Variants in ADGRG4 observed in about 807,000 individuals in gnomAD.
The protein encoded by ADGRG4 is G protein-coupled receptor 112.
A neutral mutation model predicts 126.2 loss-of-function variants in ADGRG4; 122 were observed. The observed-to-expected ratio is 0.97, with a 90% CI of 0.83 to 1.12. ADGRG4 has a LOEUF of 1.12. ADGRG4 is among the 50% of genes most tolerant of loss of function. The pLI is 0.00. For missense variants in ADGRG4, 2,481 were observed against 2,251.8 expected (o/e 1.10, Z -2.06); for synonymous variants, 943 against 838.7 (o/e 1.12, Z -2.15).
chrX:136,379,459 CTT>C (rs948920650), intron 15 of ADGRG4, among the ~76,000 whole-genome samples: 2 of 105,827 alleles, frequency 1.9e-5, no homozygotes, highest in African/African-American at 6.9e-5. Flanking sequence ...TCCTCCCCTT[CTT>C]TCTCTTCTCT....
chrX:136,394,654 G>T (rs2075337235), intron 18 of ADGRG4, among the ~76,000 whole-genome samples: 2 of 111,851 alleles, frequency 1.8e-5, no homozygotes, highest in African/African-American at 6.5e-5. Context: ...GTACTCCCAG[G>T]TCACCCTTTG....
Position 136,349,965 on chromosome X carries a change from T to C in ADGRG4, c.6259T>C (p.Ser2087Pro), listed in dbSNP as rs768205980. Residue 2087 changes from serine to proline, a missense_variant, in exon 6 of 26, where the codon TCT (serine) becomes CCT (proline). Coordinates refer to ENST00000394143, the MANE Select transcript of ADGRG4 (RefSeq NM_153834.4). ...TGGTATCACTACTGGCTTCCCAACT[T>C]CTCTCCCTATGTCTATAAATGTCAC... ...LGGITTGFPT[S>P]LPMSINVTDD... The C allele has an allele frequency of 8.3e-7, 1 of 1,209,570 alleles. No homozygotes were observed. Among genetic ancestry groups the C allele is most frequent in the Non-Finnish European group, 1.1e-6 (1 of 894,002 alleles).
chrX:136,399,820 C>T, intron 20 of ADGRG4, 28 bp from the exon 21 acceptor site: 2 of 1,153,461 alleles, frequency 1.7e-6, no homozygotes, highest in Non-Finnish European at 2.3e-6. Context: ...ACAGACTTTA[C>T]CTAACAACAT....
intron 4 of ADGRG4, among the ~76,000 whole-genome samples, chrX:136,312,172 T>C (rs980476441): frequency 8.9e-6 from 1 of 112,607 alleles, no homozygotes; most frequent in African/African-American, 3.2e-5. Flanking sequence ...TTCTTAGTAA[T>C]ACAAGCCAGG....
chrX:136,373,753 T>C (rs1038955942), intron 15 of ADGRG4, among the ~76,000 whole-genome samples: 5 of 110,434 alleles, frequency 4.5e-5, no homozygotes, highest in African/African-American at 1.7e-4. Flanking sequence ...TCACTTGAAC[T>C]CAGGAGTTTG....
chrX:136,407,286 C>T (rs2148500860), intron 23 of ADGRG4, among the ~76,000 whole-genome samples: 1 of 110,770 alleles, frequency 9.0e-6, no homozygotes, highest in African/African-American at 3.3e-5. Context: ...AATTACATTC[C>T]CCCTTTCTTG....
chrX:136,353,259 C>G, intron 7 of ADGRG4, 78 bp from the exon 8 acceptor site: 1 of 651,660 alleles, frequency 1.5e-6, no homozygotes, highest in East Asian at 3.3e-5. Context: ...GCTTAATGAT[C>G]ACACCATCCC....
rs146635325 is a variant in ADGRG4, at chrX:136,412,341, G to A, written c.9012G>A (p.Gly3004=). ...AGTGGCAGATACACCTCTGCTGTGG[G>A]TGGTTGCGATTGGATAACTCTTCTG... ...REQWQIHLCC[G]WLRLDNSSDG... The change falls in exon 24 of 26, where the codon GGG becomes GGA. Residue 3004 remains glycine, a synonymous_variant. Coordinates refer to ENST00000394143, the MANE Select transcript of ADGRG4 (RefSeq NM_153834.4). 156 of 1,187,151 alleles carry A rather than the reference G, an allele frequency of 1.3e-4. No homozygotes were observed. The highest frequency in any genetic ancestry group is 1.7e-4 in the Non-Finnish European group (148 of 874,126).
intron 1 of ADGRG4, among the ~76,000 whole-genome samples, chrX:136,301,419 C>T (rs1451639227): frequency 1.8e-5 from 2 of 112,257 alleles, no homozygotes; most frequent in African/African-American, 3.2e-5. Context: ...CCTTCACCCA[C>T]TTTTTGATGG....
intron 5 of ADGRG4, among the ~76,000 whole-genome samples, chrX:136,339,171 G>C (rs756279406): frequency 3.6e-5 from 4 of 111,433 alleles, no homozygotes; most frequent in African/African-American, 1.3e-4. Context: ...TGCTGCTGGA[G>C]AGTCCCTTTT....
At position 136,393,597 on chromosome X, in the gene ADGRG4, G is replaced by A. The variant is rs775083263; in HGVS notation, c.8080+17G>A. The stretch of plus-strand genomic sequence containing the variant: ...AGAATAATAGTAAGTATTTTTGTTA[G>A]CAACTTTGACTTTGCCCCAGACCAT... On this transcript the variant is annotated intron_variant, in intron 18 of 25. Coordinates refer to ENST00000394143, the MANE Select transcript of ADGRG4 (RefSeq NM_153834.4). 2.2e-5 allele frequency: 26 copies of A among 1,173,956 alleles called. No individual in the cohort carries two copies. The highest frequency in any genetic ancestry group is 3.6e-5 in the South Asian group (2 of 54,998).
rs1473135327 is a variant in ADGRG4, at chrX:136,349,069, C to G, written c.5363C>G (p.Thr1788Ser). 8.3e-7 allele frequency: 1 copy of G among 1,204,657 alleles called. No homozygotes were observed. The highest frequency in any genetic ancestry group is 1.8e-5 in the African/African-American group (1 of 56,852). Residue 1788 changes from threonine (T) to serine (S), a missense_variant, in exon 6 of 26, where the codon ACC (threonine) becomes AGC (serine). Thr to Ser is a moderately conservative substitution (Grantham distance 58). Transcript: ENST00000394143. ...SGPTKNVKTTTNCFSSNTRKM... is the reference protein window; with the variant it reads ...SGPTKNVKTTSNCFSSNTRKM... ...CCCACAAAAAATGTTAAAACAACCA[C>G]CAATTGCTTTTCTTCTAATACTAGA...
chrX:136,312,503 G>A (rs949781529), intron 4 of ADGRG4, among the ~76,000 whole-genome samples: 6 of 111,541 alleles, frequency 5.4e-5, no homozygotes, highest in African/African-American at 2.0e-4. Context: ...GTATGCACCT[G>A]TAATTCCAGC....
chrX:136,345,816 C>T lies in ADGRG4; in HGVS notation c.2110C>T (p.Pro704Ser). ...EYLSATTNITPLKASPEGKGT... is the reference protein window; with the variant it reads ...EYLSATTNITSLKASPEGKGT... ...TTTATCCGCAACTACCAATATCACCCCACTGAAAGCATCTCCAGAGGGCAA... is the reference window on the plus strand; with the variant it reads ...TTTATCCGCAACTACCAATATCACCTCACTGAAAGCATCTCCAGAGGGCAA... Residue 704 changes from proline to serine, a missense_variant, in exon 6 of 26, where the codon CCA (proline) becomes TCA (serine). Transcript: ENST00000394143. The T allele has an allele frequency of 8.3e-7, 1 of 1,210,391 alleles. No individual in the cohort carries two copies. The highest frequency in any genetic ancestry group is 1.1e-6 in the Non-Finnish European group (1 of 894,508).
chrX:136,402,399 C>G (rs992925591), intron 21 of ADGRG4, among the ~76,000 whole-genome samples: 5 of 111,084 alleles, frequency 4.5e-5, no homozygotes, highest in African/African-American at 1.6e-4. Flanking sequence ...TAAAAAACAT[C>G]TGCAGCATTC....
At position 136,349,468 on chromosome X, in the gene ADGRG4, C is replaced by A. The variant is rs750229608; in HGVS notation, c.5762C>A (p.Thr1921Lys). The A allele has an allele frequency of 5.8e-6, 7 of 1,205,254 alleles. No individual in the cohort carries two copies. The South Asian group carries it at 1.1e-4, about 18-fold the overall frequency. The change falls in exon 6 of 26, where the codon ACA becomes AAA. Residue 1921 changes from threonine (T) to lysine (K), a missense_variant. Thr to Lys is a moderately conservative substitution (Grantham distance 78). Coordinates refer to ENST00000394143, the MANE Select transcript of ADGRG4 (RefSeq NM_153834.4). Reference sequence around the variant, plus strand: ...CACCTTGTTCCTGGGCCTTTGTCAACATTCACAGCCTCTCAGACTGGTCTA... The same window carrying A: ...CACCTTGTTCCTGGGCCTTTGTCAAAATTCACAGCCTCTCAGACTGGTCTA... ...TLHLVPGPLS[T>K]FTASQTGLVS...
chrX:136,310,934 A>G (rs2074765951), intron 4 of ADGRG4, among the ~76,000 whole-genome samples: 2 of 111,252 alleles, frequency 1.8e-5, no homozygotes, highest in South Asian at 7.7e-4. Context: ...CCATAACAAA[A>G]TACTATAGAT....
At chrX:136,395,235 C>T (rs780456454) in intron 18 of ADGRG4, among the ~76,000 whole-genome samples, 155 bp from the exon 19 acceptor site, 1 of 111,801 alleles carries the variant, frequency 8.9e-6, no homozygotes, top group South Asian at 3.8e-4. Context: ...GTCTGTTAGA[C>T]TTAATTTAAT....
intron 19 of ADGRG4, among the ~76,000 whole-genome samples, chrX:136,397,622 A>T: frequency 9.2e-6 from 1 of 109,186 alleles, no homozygotes; most frequent in Non-Finnish European, 1.9e-5. Flanking sequence ...GAACATGTTA[A>T]TGATGATGAA....
Sources: gnomAD v4.1 joint callset for allele counts (sites outside exome capture counted in the v4.1 genomes callset) on GRCh38, gnomAD v4.1.1 for gene constraint, MANE v1.5 for transcripts, NCBI Gene and HGNC (gene_info 2026-07-23, HGNC 2026-07-21) for gene names.